CDH4: variants seen among roughly 807,000 people sequenced by gnomAD.
The protein encoded by CDH4 is cadherin 4.
In CDH4, 33 loss-of-function variants were observed where a neutral mutation model predicts 86.0. The observed-to-expected ratio is 0.38, with a 90% CI of 0.29 to 0.51. CDH4 has a LOEUF of 0.51. Among genes scored for constraint, CDH4 ranks in the 20% least tolerant of loss-of-function variants. CDH4 has a pLI of 0.86. For missense variants in CDH4, 1,114 were observed against 1,307.4 expected, an observed-to-expected ratio of 0.85 and a Z score of 2.28; for synonymous variants, 555 against 549.4, an observed-to-expected ratio of 1.01 and a Z score of -0.14.
chr20:61,495,089 C>T (rs1000461566), intron 2 of CDH4, among the ~76,000 whole-genome samples: 2 of 152,238 alleles, frequency 1.3e-5, no homozygotes, highest in African/African-American at 4.8e-5. Flanking sequence ...GCAGGGCCCC[C>T]AAACAGCTGT....
chr20:61,295,350 C>T (rs931680431), intron 2 of CDH4, among the ~76,000 whole-genome samples: 3 of 152,130 alleles, frequency 2.0e-5, no homozygotes, highest in Admixed American at 1.3e-4. Context: ...GTCCAGCACC[C>T]GAAAGCACAC....
At chr20:61,644,331 C>T (rs933731500) in intron 2 of CDH4, among the ~76,000 whole-genome samples, 2 of 152,232 alleles carry the variant, frequency 1.3e-5, no homozygotes, top group Non-Finnish European at 2.9e-5. Flanking sequence ...GGAACAGGGT[C>T]AGCACCTCCT....
At chr20:61,578,175 A>T (rs2086398465) in intron 2 of CDH4, among the ~76,000 whole-genome samples, 1 of 152,162 alleles carries the variant, frequency 6.6e-6, no homozygotes, top group South Asian at 2.1e-4. Context: ...GGGACCTGTT[A>T]CCTGTATGAT....
In CDH4 at chr20:61,940,319, T is replaced by C. The variant is rs572387461; in HGVS notation, c.*3376T>C. 5.9e-5 allele frequency: 9 copies of C among 152,192 alleles called. No homozygotes were observed. The highest frequency in any genetic ancestry group is 1.3e-4 in the Non-Finnish European group (9 of 68,034). 9.4% of individuals were successfully genotyped at this position (152,192 alleles called of 1,614,324 possible). ...GTGTAGCAGCCTGCATGAGCACAGT[T>C]GTTTTGGGGAAAGATACTGGAGTAT... On this transcript the variant is annotated 3_prime_UTR_variant, in exon 16 of 16. Transcript: ENST00000614565.
chr20:61,446,012 A>G (rs1166702687), intron 2 of CDH4, among the ~76,000 whole-genome samples: 1 of 152,222 alleles, frequency 6.6e-6, no homozygotes, highest in African/African-American at 2.4e-5. Context: ...GTGAAACTGA[A>G]ACCACAAGGA....
chr20:61,570,935 G>T (rs1211297082), intron 2 of CDH4, among the ~76,000 whole-genome samples: 2 of 152,248 alleles, frequency 1.3e-5, no homozygotes, highest in Admixed American at 1.3e-4. Context: ...AAGTAGGTCT[G>T]TGTGGGTGCA....
intron 2 of CDH4, among the ~76,000 whole-genome samples, chr20:61,350,067 T>A (rs148512108): frequency 1.4e-5 from 2 of 146,834 alleles, no homozygotes; most frequent in Non-Finnish European, 3.0e-5. Flanking sequence ...GCCAGCGGAA[T>A]ACCTCTGACC....
chr20:61,879,726 G>T lies in CDH4; in HGVS notation c.1050+5826G>T, dbSNP rs866658662. ...GAGGTGAACGTGCCGCCCGAGCCCC[G>T]TCCTGAAGGTGAGAGTGGGCTCTGC... is the stretch of plus-strand genomic sequence containing the variant. On this transcript the variant is annotated intron_variant, in intron 7 of 15. Transcript: ENST00000614565. The surrounding 1 kb of genome is among the most constrained non-coding windows in gnomAD (Gnocchi z 4.1). Among the ~76,000 whole-genome samples, 2 of 152,094 alleles carry T rather than the reference G, an allele frequency of 1.3e-5. No homozygotes were observed. Among genetic ancestry groups the T allele is most frequent in the Non-Finnish European group, 1.5e-5 (1 of 68,018 alleles).
chr20:61,493,523 G>A (rs990583680), intron 2 of CDH4, among the ~76,000 whole-genome samples: 8 of 152,230 alleles, frequency 5.3e-5, no homozygotes, highest in Non-Finnish European at 1.0e-4. Context: ...TACAACCCGT[G>A]TGCCATTCCG....
At chr20:61,915,296 G>A (rs114784177) in intron 9 of CDH4, among the ~76,000 whole-genome samples, 1,585 of 152,340 alleles carry the variant, frequency 0.01, 32 homozygotes, top group African/African-American at 0.036. Context: ...GTTTGAGGCC[G>A]AGGCTGAGGG....
chr20:61,352,788 C>T (rs918995008), intron 2 of CDH4, among the ~76,000 whole-genome samples: 3 of 152,184 alleles, frequency 2.0e-5, no homozygotes, highest in South Asian at 4.1e-4. Context: ...TCTTCCTGGC[C>T]GTCTGCCGCT....
chr20:61,861,740 G>A (rs372683314), intron 6 of CDH4, among the ~76,000 whole-genome samples: 149 of 152,286 alleles, frequency 9.8e-4, no homozygotes, highest in African/African-American at 3.4e-3. Context: ...GCCCCCAAGC[G>A]TCACGTACAC....
chr20:61,394,181 A>G (rs1009694736), intron 2 of CDH4, among the ~76,000 whole-genome samples: 1 of 152,038 alleles, frequency 6.6e-6, no homozygotes, highest in African/African-American at 2.4e-5. Context: ...TTTCCTCTCT[A>G]ACCACAGCCC....
chr20:61,662,639 G>A (rs2087272292), intron 2 of CDH4, among the ~76,000 whole-genome samples: 2 of 152,182 alleles, frequency 1.3e-5, no homozygotes, highest in African/African-American at 4.8e-5. Flanking sequence ...GGCGTCAAGT[G>A]CACTCAGTCC....
chr20:61,633,391 A>T (rs187102847), intron 2 of CDH4, among the ~76,000 whole-genome samples: 1 of 151,388 alleles, frequency 6.6e-6, no homozygotes, highest in Non-Finnish European at 1.5e-5. Context: ...CTATTCATCC[A>T]TCCATCCACC....
intron 4 of CDH4, among the ~76,000 whole-genome samples, chr20:61,784,540 C>T (rs72658796): frequency 0.3 from 13,035 of 43,118 alleles, 1,175 homozygotes; most frequent in East Asian, 0.43. Flanking sequence ...TCTCGAGGCC[C>T]TCAGGTGTCT....
Position 61,883,579 on chromosome 20 carries a change from T to C in CDH4, c.1050+9679T>C, listed in dbSNP as rs1411579280. Among the ~76,000 whole-genome samples the C allele has an allele frequency of 2.6e-5, 4 of 152,284 alleles. No homozygotes were observed. In the East Asian group the frequency reaches 7.8e-4, roughly 30 times the overall value. ...GCATCAGCCACAGGAGGGCAAGGGC[T>C]CCAAGAGCCACTGGAACTTATGGCT... On this transcript the variant is annotated intron_variant, in intron 7 of 15. Transcript: ENST00000614565.
At chr20:61,379,525 C>T (rs896218845) in intron 2 of CDH4, among the ~76,000 whole-genome samples, 3 of 152,272 alleles carry the variant, frequency 2.0e-5, no homozygotes, top group Non-Finnish European at 4.4e-5. Context: ...AGAACCTCAT[C>T]TTCCCAAGCC....
chr20:61,347,410 C>G (rs2084685807), intron 2 of CDH4, among the ~76,000 whole-genome samples: 2 of 151,800 alleles, frequency 1.3e-5, no homozygotes, highest in Admixed American at 1.3e-4. Context: ...AAAAACAAAA[C>G]TATCTACACA....
Sources: gnomAD v4.1 joint callset for allele counts (sites outside exome capture counted in the v4.1 genomes callset) on GRCh38, gnomAD v4.1.1 for gene constraint, Gnocchi (gnomAD v3.1) non-coding constraint, MANE v1.5 for transcripts, NCBI Gene and HGNC (gene_info 2026-07-23, HGNC 2026-07-21) for gene names.